SUGCT: variants seen among roughly 807,000 people sequenced by gnomAD.
SUGCT encodes succinyl-CoA:glutarate-CoA transferase.
SUGCT carries 41 observed loss-of-function variants against 55.0 expected under a neutral mutation model. The observed-to-expected ratio is 0.74, with a 90% CI of 0.58 to 0.97. SUGCT has a LOEUF of 0.97. Ranked by LOEUF, SUGCT falls within the 50% of genes least tolerant of loss-of-function variation. SUGCT has a pLI of 0.00. For missense variants in SUGCT, 568 were observed against 547.8 expected, an observed-to-expected ratio of 1.04 and a Z score of -0.37; for synonymous variants, 187 against 200.4, an observed-to-expected ratio of 0.93 and a Z score of 0.56.
At chr7:40,737,992 G>A (rs988520354) in intron 12 of SUGCT, among the ~76,000 whole-genome samples, 5 of 151,692 alleles carry the variant, frequency 3.3e-5, no homozygotes, top group Non-Finnish European at 5.9e-5. Context: ...ACGAGGTCAG[G>A]AGATCAAGAC....
intron 12 of SUGCT, among the ~76,000 whole-genome samples, chr7:40,517,265 A>C (rs907717786): frequency 6.7e-6 from 1 of 149,738 alleles, no homozygotes; most frequent in African/African-American, 2.4e-5. Flanking sequence ...AGGATTTTTT[A>C]AATGTAAGCT....
chr7:40,304,182 C>T (rs1176665268), intron 8 of SUGCT, among the ~76,000 whole-genome samples: 2 of 151,896 alleles, frequency 1.3e-5, no homozygotes, highest in Non-Finnish European at 2.9e-5. Flanking sequence ...AATAACCAGA[C>T]AAAGGATGTG....
At chr7:40,898,546 A>C in the SUGCT span, among the ~76,000 whole-genome samples, 2 of 145,036 alleles carry the variant, frequency 1.4e-5, no homozygotes, top group African/African-American at 2.5e-5. Flanking sequence ...ACACAGTGAA[A>C]CCCCAGATCT....
At chr7:40,882,704 T>C in the SUGCT span, among the ~76,000 whole-genome samples, 8 of 152,216 alleles carry the variant, frequency 5.3e-5, no homozygotes, top group East Asian at 1.5e-3. Flanking sequence ...ATAAATGTAA[T>C]TGATGAGAAA....
At chr7:40,394,618 T>A (rs182117640) in intron 9 of SUGCT, among the ~76,000 whole-genome samples, 69 of 152,304 alleles carry the variant, frequency 4.5e-4, no homozygotes, top group African/African-American at 1.5e-3. Context: ...GTGCAATAGA[T>A]CTCTTGATCT....
At chr7:40,589,106 ACT>A (rs780713682) in intron 12 of SUGCT, among the ~76,000 whole-genome samples, 7 of 151,732 alleles carry the variant, frequency 4.6e-5, no homozygotes, top group Admixed American at 2.0e-4. Context: ...GCAGCTTGTC[ACT>A]CTGTTTAGTA....
chr7:40,141,142 G>A (rs897930171), intron 1 of SUGCT, among the ~76,000 whole-genome samples: 5 of 150,952 alleles, frequency 3.3e-5, no homozygotes, highest in Non-Finnish European at 7.4e-5. Context: ...TCGTCCTCGG[G>A]TAGAACATTA....
At chr7:40,228,244 G>T (rs1377730449) in intron 6 of SUGCT, among the ~76,000 whole-genome samples, 4 of 151,914 alleles carry the variant, frequency 2.6e-5, no homozygotes, top group African/African-American at 9.7e-5. Flanking sequence ...TTGTTTTTCA[G>T]ATTTTTCCCA....
chr7:40,177,346 C>G (rs909278787), intron 1 of SUGCT, among the ~76,000 whole-genome samples: 1 of 151,862 alleles, frequency 6.6e-6, no homozygotes, highest in Non-Finnish European at 1.5e-5. Flanking sequence ...ACATCACTTT[C>G]CTTTTTCTAT....
intron 9 of SUGCT, among the ~76,000 whole-genome samples, chr7:40,408,837 C>A (rs1786514834): frequency 6.6e-6 from 1 of 152,194 alleles, no homozygotes; most frequent in Non-Finnish European, 1.5e-5. Flanking sequence ...TTCCATTCAC[C>A]TTTAACCATT....
intron 13 of SUGCT, among the ~76,000 whole-genome samples, chr7:40,829,179 C>A (rs1430001105): frequency 6.6e-6 from 1 of 152,186 alleles, no homozygotes; most frequent in African/African-American, 2.4e-5. Flanking sequence ...CACCCCTTTT[C>A]TAGAAAATTC....
At chr7:40,467,787 T>C (rs1276653690) in intron 11 of SUGCT, among the ~76,000 whole-genome samples, 1 of 152,150 alleles carries the variant, frequency 6.6e-6, no homozygotes, top group Non-Finnish European at 1.5e-5. Context: ...AGTATTATAG[T>C]AGTAATTTAC....
Position 40,335,422 on chromosome 7 carries a change from A to G in SUGCT, c.816+18567A>G, listed in dbSNP as rs542744902. 7.2e-3 allele frequency among the ~76,000 whole-genome samples: 1,084 copies of G among 151,056 alleles called. 13 individuals carry two copies. Among genetic ancestry groups the G allele is most frequent in the African/African-American group, 0.025 (1,029 of 41,060 alleles). On this transcript the variant is annotated intron_variant, in intron 9 of 13. Coordinates refer to ENST00000335693, the MANE Select transcript of SUGCT (RefSeq NM_001193313.2). The stretch of plus-strand genomic sequence containing the variant: ...ATTTGTTTGTATCCTCTTTTATTTC[A>G]TTGAGCAGTGGTTTGTAGTTCTCCT...
At chr7:40,340,616 A>C (rs974498180) in intron 9 of SUGCT, among the ~76,000 whole-genome samples, 2 of 152,158 alleles carry the variant, frequency 1.3e-5, no homozygotes, top group East Asian at 3.9e-4. Context: ...AAGTAGGGGG[A>C]AAAAGTAGGC....
chr7:40,733,244 T>C (rs1786988456), intron 12 of SUGCT, among the ~76,000 whole-genome samples: 1 of 146,540 alleles, frequency 6.8e-6, no homozygotes, highest in South Asian at 2.1e-4. Flanking sequence ...GCCAGAATTA[T>C]ATATACATGA....
At chr7:40,684,061 T>A in intron 12 of SUGCT, 1 of 1,612,482 alleles carries the variant, frequency 6.2e-7, no homozygotes, top group Non-Finnish European at 8.5e-7. Flanking sequence ...AATAGAACGC[T>A]GTCTCTGGCT....
chr7:40,227,347 G>A (rs1218248092), intron 6 of SUGCT, among the ~76,000 whole-genome samples: 2 of 152,050 alleles, frequency 1.3e-5, no homozygotes, highest in African/African-American at 4.8e-5. Flanking sequence ...ACCACACCTG[G>A]CCAGTATAAT....
intron 9 of SUGCT, among the ~76,000 whole-genome samples, chr7:40,403,982 T>C (rs1786224513): frequency 6.6e-6 from 1 of 152,238 alleles, no homozygotes. Flanking sequence ...TTGTATTCTT[T>C]GGTGGGTTTC....
intron 12 of SUGCT, among the ~76,000 whole-genome samples, chr7:40,592,149 A>G (rs1191355504): frequency 6.6e-6 from 1 of 152,210 alleles, no homozygotes; most frequent in Non-Finnish European, 1.5e-5. Flanking sequence ...AGGTTTAAAT[A>G]TGAGTTGAAA....
Sources: gnomAD v4.1 joint callset for allele counts (sites outside exome capture counted in the v4.1 genomes callset) on GRCh38, gnomAD v4.1.1 for gene constraint, MANE v1.5 for transcripts, NCBI Gene and HGNC (gene_info 2026-07-23, HGNC 2026-07-21) for gene names.